Variants in DENND5A observed in about 807,000 individuals in gnomAD.
DENND5A encodes DENN domain containing 5A.
In DENND5A, 64 loss-of-function variants were observed where a neutral mutation model predicts 140.3. The observed-to-expected ratio is 0.46, with a 90% CI of 0.37 to 0.56. The LOEUF is 0.56. Ranked by LOEUF, DENND5A falls within the 20% of genes least tolerant of loss-of-function variation. The probability of loss-of-function intolerance (pLI) is 0.00; values close to 1 mark genes in which losing one functional copy is unlikely to be tolerated. For missense variants in DENND5A, 1,292 were observed against 1,593.8 expected, an observed-to-expected ratio of 0.81 and a Z score of 3.22; for synonymous variants, 605 against 607.7, an observed-to-expected ratio of 1.00 and a Z score of 0.07.
intron 10 of DENND5A, 26 bp from the exon 11 acceptor site, chr11:9,165,993 C>G: frequency 6.2e-7 from 1 of 1,613,394 alleles, no homozygotes; most frequent in South Asian, 1.1e-5. Context: ...AAATAAAGAC[C>G]CTTTGTGTCC....
chr11:9,165,447 A>AT (rs34748028), intron 11 of DENND5A, among the ~76,000 whole-genome samples: 70,336 of 150,310 alleles, frequency 0.47, 17,491 homozygotes, highest in African/African-American at 0.64. Context: ...TATATTAACG[A>AT]TTTTTTTTTT....
chr11:9,231,852 C>T (rs943367070), intron 1 of DENND5A, among the ~76,000 whole-genome samples: 8 of 151,486 alleles, frequency 5.3e-5, no homozygotes, highest in Admixed American at 4.0e-4. Flanking sequence ...TTCCTAACCA[C>T]TAAAATTTTA....
intron 22 of DENND5A, among the ~76,000 whole-genome samples, chr11:9,141,127 A>AAAATAAAT (rs35402073): frequency 7.6e-4 from 115 of 151,630 alleles, no homozygotes; most frequent in African/African-American, 2.6e-3. Context: ...ACTCCATCTC[A>AAAATAAAT]AAATAAATAA....
intron 12 of DENND5A, among the ~76,000 whole-genome samples, chr11:9,153,728 G>A (rs1340831088): frequency 2.0e-5 from 3 of 152,210 alleles, no homozygotes; most frequent in East Asian, 1.9e-4. Context: ...AGAAAGGTAG[G>A]CTGGTACTTA....
At chr11:9,237,305 A>G (rs879684422) in intron 1 of DENND5A, among the ~76,000 whole-genome samples, 15 of 152,144 alleles carry the variant, frequency 9.9e-5, no homozygotes, top group Admixed American at 2.0e-4. Context: ...CTGTAATCCC[A>G]GCTACTTGGG....
At chr11:9,261,777 CA>C (rs10651988) in intron 1 of DENND5A, among the ~76,000 whole-genome samples, 56 of 89,806 alleles carry the variant, frequency 6.2e-4, no homozygotes, top group Middle Eastern at 6.4e-3. Flanking sequence ...GACTGTGTCT[CA>C]AAAAAAAAAA....
At position 9,203,725 on chromosome 11, in the gene DENND5A, A is replaced by C. The variant is rs753585856; in HGVS notation, c.884T>G (p.Val295Gly). The change falls in exon 4 of 23, where the codon GTG becomes GGG. Residue 295 changes from valine to glycine, a missense_variant. Val to Gly is a moderately radical substitution (Grantham distance 109). This residue lies in a region of DENND5A where 566 missense variants were observed against 650.4 expected (regional missense o/e 0.87). Coordinates refer to ENST00000328194, the MANE Select transcript of DENND5A (RefSeq NM_015213.4). ...AGTAAAAAGCTGAAACACATTCTCC[A>C]CCCCGAGCAGTTCAAAAACCTCTTT... is the stretch of plus-strand genomic sequence containing the variant. ...PVKEVFELLG[V>G]ENVFQLFTCA... The C allele has an allele frequency of 6.2e-7, 1 of 1,614,092 alleles. No homozygotes were observed. The highest frequency in any genetic ancestry group is 8.5e-7 in the Non-Finnish European group (1 of 1,180,016).
chr11:9,241,786 G>A (rs1263133454), intron 1 of DENND5A, among the ~76,000 whole-genome samples: 4 of 152,026 alleles, frequency 2.6e-5, no homozygotes, highest in East Asian at 3.9e-4. Context: ...AGGCCAAGGC[G>A]GGCGGATCAC....
At chr11:9,213,829 A>T (rs550109165) in intron 1 of DENND5A, among the ~76,000 whole-genome samples, 1 of 149,964 alleles carries the variant, frequency 6.7e-6, no homozygotes, top group African/African-American at 2.5e-5. Flanking sequence ...GAAGAAGAAG[A>T]AGCAGTGAGC....
intron 16 of DENND5A, 131 bp downstream of exon 16, chr11:9,146,899 A>C (rs1206308075): frequency 1.8e-6 from 2 of 1,100,922 alleles, no homozygotes; most frequent in East Asian, 4.8e-5. Flanking sequence ...CTCTCTCCCC[A>C]CAGAGGCAAA....
At chr11:9,220,317 G>A (rs757533404) in intron 1 of DENND5A, among the ~76,000 whole-genome samples, 4 of 152,156 alleles carry the variant, frequency 2.6e-5, no homozygotes, top group Admixed American at 2.6e-4. Context: ...GGAGGCCGAC[G>A]CGGGCAGATC....
chr11:9,242,186 G>C (rs191886871), intron 1 of DENND5A, among the ~76,000 whole-genome samples: 45 of 152,116 alleles, frequency 3.0e-4, no homozygotes, highest in Admixed American at 5.2e-4. Context: ...TAAAACCAAA[G>C]CTTCACAAAG....
chr11:9,264,851 G>T, intron 1 of DENND5A, 110 bp downstream of exon 1: 2 of 992,842 alleles, frequency 2.0e-6, no homozygotes, highest in Non-Finnish European at 2.9e-6. Flanking sequence ...GGTCCTCCCG[G>T]CCGACACTCG....
intron 7 of DENND5A, 85 bp downstream of exon 7, chr11:9,178,770 ACTT>A: frequency 2.7e-6 from 3 of 1,113,674 alleles, no homozygotes; most frequent in Non-Finnish European, 4.0e-6. Context: ...ATCTTCCATT[ACTT>A]CTTCGAGTAA....
chr11:9,195,311 G>C (rs556676225), intron 4 of DENND5A, among the ~76,000 whole-genome samples: 44 of 148,176 alleles, frequency 3.0e-4, no homozygotes, highest in African/African-American at 9.2e-4. Context: ...CCCAACCTCA[G>C]GTGATCCGCC....
chr11:9,248,446 T>C (rs770186700), intron 1 of DENND5A, among the ~76,000 whole-genome samples: 1 of 150,622 alleles, frequency 6.6e-6, no homozygotes, highest in Non-Finnish European at 1.5e-5. Context: ...AGCCCAGGAG[T>C]TCAAGACCAG....
chr11:9,156,356 T>G (rs1457362888), intron 12 of DENND5A, among the ~76,000 whole-genome samples: 1 of 152,214 alleles, frequency 6.6e-6, no homozygotes, highest in Non-Finnish European at 1.5e-5. Context: ...TATTTTGCAC[T>G]GGTTTCTCAC....
In DENND5A at chr11:9,255,881, C is replaced by T. The variant is rs111323571; in HGVS notation, c.109+9080G>A. Among the ~76,000 whole-genome samples, 307 of 150,426 alleles carry T rather than the reference C, an allele frequency of 2.0e-3. 3 individuals are homozygous for T. The highest frequency in any genetic ancestry group is 7.3e-3 in the African/African-American group (298 of 40,996). The stretch of plus-strand genomic sequence containing the variant: ...CTCCGTCTAAAAAAAAAAAAAAAAT[C>T]CAGGCTTGGTAACGGGTACCTGTAA... On this transcript the variant is annotated intron_variant, in intron 1 of 22. Coordinates refer to ENST00000328194, the MANE Select transcript of DENND5A (RefSeq NM_015213.4).
chr11:9,152,518 C>G, intron 12 of DENND5A, 76 bp from the exon 13 acceptor site: 2 of 1,010,524 alleles, frequency 2.0e-6, no homozygotes, highest in Non-Finnish European at 3.2e-6. Context: ...CAGATAGAAG[C>G]TTTTGCTAAA....
Sources: gnomAD v4.1 joint callset for allele counts (sites outside exome capture counted in the v4.1 genomes callset) on GRCh38, gnomAD v4.1.1 for gene constraint, gnomAD v4.1.1 regional missense constraint, MANE v1.5 for transcripts, NCBI Gene and HGNC (gene_info 2026-07-23, HGNC 2026-07-21) for gene names.